TNIP2: variants seen among roughly 807,000 people sequenced by gnomAD.
The protein encoded by TNIP2 is TNFAIP3-interacting protein 2.
Under a neutral mutation model 43.7 loss-of-function variants are expected in TNIP2, and 30 were observed. The ratio of observed to expected loss-of-function variants is 0.69; its 90% CI spans 0.51 to 0.93. TNIP2 has a LOEUF of 0.93. TNIP2 is among the 40% of genes least tolerant of loss of function. The pLI, the probability that TNIP2 is intolerant of heterozygous loss-of-function variation, is 0.00. For synonymous variants in TNIP2, 260 were observed against 254.6 expected, an observed-to-expected ratio of 1.02 and a Z score of -0.20; for missense variants, 599 against 591.0, an observed-to-expected ratio of 1.01 and a Z score of -0.14.
intron 2 of TNIP2, among the ~76,000 whole-genome samples, chr4:2,747,234 T>C (rs894753878): frequency 1.3e-5 from 2 of 152,226 alleles, no homozygotes; most frequent in African/African-American, 4.8e-5. Flanking sequence ...TCCAGGAGTT[T>C]GGGGTGTGGA....
chr4:2,748,558 G>T (rs1722015256), intron 1 of TNIP2, among the ~76,000 whole-genome samples: 1 of 151,826 alleles, frequency 6.6e-6, no homozygotes, highest in Admixed American at 6.6e-5. Flanking sequence ...TAGCCAGGAT[G>T]GTCTCGATCT....
rs532289132 is a variant in TNIP2 at position 2,752,745 on chromosome 4, G to T, written c.276+3269C>A. Among the ~76,000 whole-genome samples the T allele has an allele frequency of 1.8e-4, 28 of 152,280 alleles. No individual in the cohort carries two copies. The South Asian group carries it at 5.6e-3, about 30-fold the overall frequency. The stretch of plus-strand genomic sequence containing the variant: ...TGGGATGAGCAATAAATATGTAATT[G>T]CATAAAATACCAGATAAGGCCAGCA... On this transcript the variant is annotated intron_variant, in intron 1 of 5. Transcript: ENST00000315423.
Position 2,744,327 on chromosome 4 carries a change from A to G in TNIP2, c.1026+60T>C. 1.2e-6 allele frequency: 2 copies of G among 1,605,652 alleles called. No homozygotes were observed. The highest frequency in any genetic ancestry group is 8.5e-7 in the Non-Finnish European group (1 of 1,174,260). ...GCAGACACAGAAAGGCTCTAATCTC[A>G]TGAGAAGAGAAACAAAAACACTAAA... On this transcript the variant is annotated intron_variant, in intron 5 of 5. Coordinates refer to ENST00000315423, the MANE Select transcript of TNIP2 (RefSeq NM_024309.4). The surrounding 1 kb of genome is among the most constrained non-coding windows in gnomAD (Gnocchi z 5.1).
intron 2 of TNIP2, 141 bp downstream of exon 2, chr4:2,747,514 C>A: frequency 1.2e-6 from 1 of 841,910 alleles, no homozygotes; most frequent in South Asian, 1.6e-5. Flanking sequence ...GATGAGTGAG[C>A]TTTGCCCCGT....
chr4:2,747,876 G>A lies in TNIP2; in HGVS notation c.346C>T (p.Gln116Ter). ...ACGACTTCCTTCTCTCGCTCGTGTT[G>A]GGGCTGGCTCAGCAGCTGCTGCATC... Reference protein sequence around the residue: ...REMQQLLSQPQHEREKEVVLL... With the variant: ...REMQQLLSQP The change falls in exon 2 of 6, where the codon CAA (glutamine) becomes TAA (stop). Residue 116 changes from glutamine (Q) to a stop codon, truncating the protein, a stop_gained. Transcript: ENST00000315423. LOFTEE classifies it high-confidence loss of function. The A allele has an allele frequency of 6.2e-7, 1 of 1,613,786 alleles. No homozygotes were observed.
intron 3 of TNIP2, 72 bp downstream of exon 3, chr4:2,745,374 C>A: frequency 8.4e-7 from 1 of 1,190,246 alleles, no homozygotes; most frequent in Non-Finnish European, 1.2e-6. Flanking sequence ...TGGGCATCAG[C>A]CAAGGAAAGA....
At position 2,752,541 on chromosome 4, in the gene TNIP2, C is replaced by A. The variant is rs534681175; in HGVS notation, c.276+3473G>T. ...CACTCTCTCTGGGAGCCCTCAGTCC[C>A]TACTGGTCCAGGGTTCCTGCTCCTA... is the stretch of plus-strand genomic sequence containing the variant. On this transcript the variant is annotated intron_variant, in intron 1 of 5. Transcript: ENST00000315423. Among the ~76,000 whole-genome samples, 5 of 152,298 alleles carry A rather than the reference C, an allele frequency of 3.3e-5. No homozygotes were observed. The South Asian group carries it at 8.3e-4, about 25-fold the overall frequency.
chr4:2,744,397 G>T lies in TNIP2; in HGVS notation c.1016C>A (p.Ser339Tyr). The stretch of plus-strand genomic sequence containing the variant: ...GCCCTCATACTCTACCTGTCTCCAG[G>T]ACACCTGGTGCAGCAAAGAGGCGAC... ...EKVASLLHQV[S>Y]WRQDSREPDA... The change falls in exon 5 of 6, where the codon TCC becomes TAC. Residue 339 changes from serine to tyrosine, a missense_variant. Physicochemically the swap from Ser to Tyr is moderately radical, Grantham distance 144 (BLOSUM62 -2). Transcript: ENST00000315423. The surrounding 1 kb of genome is among the most constrained non-coding windows in gnomAD (Gnocchi z 5.1). The T allele has an allele frequency of 6.2e-7, 1 of 1,614,200 alleles. No individual in the cohort carries two copies. The highest frequency in any genetic ancestry group is 8.5e-7 in the Non-Finnish European group (1 of 1,180,034).
intron 1 of TNIP2, among the ~76,000 whole-genome samples, chr4:2,749,066 C>T (rs1319422859): frequency 6.6e-6 from 1 of 152,142 alleles, no homozygotes; most frequent in Non-Finnish European, 1.5e-5. Flanking sequence ...GCTGGGATGA[C>T]AGGTGTGAGC....
At chr4:2,754,781 AGTG>A (rs1257334549) in intron 1 of TNIP2, among the ~76,000 whole-genome samples, 1 of 152,188 alleles carries the variant, frequency 6.6e-6, no homozygotes, top group Non-Finnish European at 1.5e-5. Flanking sequence ...GTTGGAGTGC[AGTG>A]GTGCGATCTT....
chr4:2,753,423 G>T (rs891186965), intron 1 of TNIP2, among the ~76,000 whole-genome samples: 19 of 152,268 alleles, frequency 1.2e-4, no homozygotes, highest in Admixed American at 7.2e-4. Flanking sequence ...CTGGGTAACA[G>T]AGTGAGACCC....
rs115149998 is a variant in TNIP2 at position 2,749,099 on chromosome 4, T to C, written c.277-1154A>G. ...AGCCACCACGCCCTGCCAAATTCTA[T>C]TTTCACAAGCAAGTTCATAATTTTA... On this transcript the variant is annotated intron_variant, in intron 1 of 5. Coordinates refer to ENST00000315423, the MANE Select transcript of TNIP2 (RefSeq NM_024309.4). Among the ~76,000 whole-genome samples the C allele has an allele frequency of 8.7e-3, 1,322 of 152,282 alleles. 17 individuals are homozygous for C. The highest frequency in any genetic ancestry group is 0.031 in the African/African-American group (1,270 of 41,546).
Position 2,747,638 on chromosome 4 carries a change from C to A in TNIP2, c.567+17G>T. ...ACACAGAGGTCTTCCCCACACTCTG[C>A]TTACACTGTGGCCTACCTGGTCAGG... On this transcript the variant is annotated intron_variant, in intron 2 of 5. Transcript: ENST00000315423. 1 of 1,589,802 alleles carries A rather than the reference C, an allele frequency of 6.3e-7. No individual in the cohort carries two copies. Among genetic ancestry groups the A allele is most frequent in the South Asian group, 1.1e-5 (1 of 90,314 alleles).
rs758896136 is a variant in TNIP2, at chr4:2,745,359, G to T, written c.657+87C>A. The T allele has an allele frequency of 6.3e-5, 65 of 1,029,274 alleles. 1 individual carries two copies. The South Asian group carries it at 8.7e-4, about 14-fold the overall frequency. 63.8% of individuals were successfully genotyped at this position (1,029,274 alleles called of 1,614,324 possible). On this transcript the variant is annotated intron_variant, in intron 3 of 5. Coordinates refer to ENST00000315423, the MANE Select transcript of TNIP2 (RefSeq NM_024309.4). ...TCCTAGTGGCCAGAGGGCGGGGGGC[G>T]ACTCTGGGCATCAGCCAAGGAAAGA...
intron 1 of TNIP2, among the ~76,000 whole-genome samples, chr4:2,748,766 TTATAGG>T (rs1722023200): frequency 6.6e-6 from 1 of 150,652 alleles, no homozygotes. Flanking sequence ...AGTACTGGGA[TTATAGG>T]CGTGAGCCAC....
intron 3 of TNIP2, 142 bp downstream of exon 3, chr4:2,745,304 G>A: frequency 1.5e-6 from 1 of 675,010 alleles, no homozygotes; most frequent in Non-Finnish European, 2.6e-6. Context: ...AAGCAAAAAA[G>A]TCCAGTCTCT....
chr4:2,754,507 C>G (rs368690895), intron 1 of TNIP2, among the ~76,000 whole-genome samples: 15 of 152,252 alleles, frequency 9.9e-5, no homozygotes, highest in African/African-American at 3.4e-4. Context: ...AGCTCCGCCG[C>G]CCGGGTTCAT....
In TNIP2 at chr4:2,744,727, C is replaced by A. The variant is rs755915638; in HGVS notation, c.876G>T (p.Ala292=). 6.2e-7 allele frequency: 1 copy of A among 1,605,454 alleles called. No individual in the cohort carries two copies. Among genetic ancestry groups the A allele is most frequent in the Non-Finnish European group, 8.5e-7 (1 of 1,179,950 alleles). ...GTTCCAGCATCTGCACCCGCTCCAA[C>A]GCAGCATCCCGGGCCGTCCTGGAGG... ...LAASRTARDA[A]LERVQMLEQQ... Residue 292 remains alanine, a synonymous_variant, in exon 4 of 6, where the codon GCG becomes GCT. Transcript: ENST00000315423. The surrounding 1 kb of genome is among the most constrained non-coding windows in gnomAD (Gnocchi z 5.1).
chr4:2,747,991 A>C, intron 1 of TNIP2, 46 bp from the exon 2 acceptor site: 1 of 1,585,688 alleles, frequency 6.3e-7, no homozygotes, highest in Non-Finnish European at 8.6e-7. Flanking sequence ...TAAAAGAAGC[A>C]GTGTCAAGAG....
Sources: gnomAD v4.1 joint callset for allele counts (sites outside exome capture counted in the v4.1 genomes callset) on GRCh38, gnomAD v4.1.1 for gene constraint, Gnocchi (gnomAD v3.1) non-coding constraint, MANE v1.5 for transcripts, NCBI Gene and HGNC (gene_info 2026-07-23, HGNC 2026-07-21) for gene names.